The following SIPA1L1 variants were observed in gnomAD, a reference collection of about 807,000 sequenced individuals.
SIPA1L1 encodes the protein signal-induced proliferation-associated 1-like protein 1.
In SIPA1L1, 26 loss-of-function variants were observed where a neutral mutation model predicts 162.7. That is an observed-to-expected ratio of 0.16 (90% confidence interval 0.12 to 0.22). The LOEUF is 0.22. Among genes scored for constraint, SIPA1L1 ranks in the 10% least tolerant of loss-of-function variants. The probability of loss-of-function intolerance (pLI) is 1.00; values close to 1 mark genes in which losing one functional copy is unlikely to be tolerated. For synonymous variants in SIPA1L1, 829 were observed against 837.4 expected (o/e 0.99, Z 0.17); for missense variants, 1,874 against 2,241.0 (o/e 0.84, Z 3.31).
chr14:71,661,196 CTTCATGT>C, intron 9 of SIPA1L1, 107 bp from the exon 10 acceptor site: 7 of 1,041,760 alleles, frequency 6.7e-6, no homozygotes, highest in Middle Eastern at 2.2e-4. Flanking sequence ...GATTACCTAC[CTTCATGT>C]GTACTGATTA....
At chr14:71,540,531 T>A (rs974001730) in intron 4 of SIPA1L1, among the ~76,000 whole-genome samples, 7 of 151,866 alleles carry the variant, frequency 4.6e-5, no homozygotes, top group African/African-American at 1.7e-4. Flanking sequence ...AAATAAAATT[T>A]AAAAAATTTT....
At chr14:71,339,668 C>G (rs962362834) in intron 2 of SIPA1L1, among the ~76,000 whole-genome samples, 1 of 152,144 alleles carries the variant, frequency 6.6e-6, no homozygotes, top group East Asian at 1.9e-4. Context: ...CAGGCCTATC[C>G]AAGTGTTTTC....
intron 2 of SIPA1L1, among the ~76,000 whole-genome samples, chr14:71,463,152 G>T (rs890605311): frequency 1.3e-5 from 2 of 152,198 alleles, no homozygotes; most frequent in African/African-American, 4.8e-5. Flanking sequence ...AATTTCTGCA[G>T]TCTCTTTAGG....
chr14:71,457,381 C>T (rs1354584341), intron 2 of SIPA1L1, among the ~76,000 whole-genome samples: 1 of 151,458 alleles, frequency 6.6e-6, no homozygotes, highest in Non-Finnish European at 1.5e-5. Context: ...CTCACTGCAA[C>T]CTCCGCCTCC....
chr14:71,374,588 G>A (rs915191897), intron 2 of SIPA1L1, among the ~76,000 whole-genome samples: 2 of 151,560 alleles, frequency 1.3e-5, no homozygotes, highest in Non-Finnish European at 2.9e-5. Context: ...TAGTAAAGTG[G>A]TCATGCCTGG....
intron 17 of SIPA1L1, among the ~76,000 whole-genome samples, chr14:71,711,196 T>C (rs2150026419): frequency 6.6e-6 from 1 of 152,348 alleles, no homozygotes; most frequent in South Asian, 2.1e-4. Context: ...TATTCTTGAG[T>C]ACTATGTATT....
chr14:71,657,059 T>C (rs1203561635), intron 8 of SIPA1L1, among the ~76,000 whole-genome samples: 1 of 152,170 alleles, frequency 6.6e-6, no homozygotes, highest in Non-Finnish European at 1.5e-5. Flanking sequence ...CCTCAAAAAA[T>C]AGGGTCGAGG....
chr14:71,474,126 A>G (rs1173378911), intron 2 of SIPA1L1, among the ~76,000 whole-genome samples: 2 of 152,250 alleles, frequency 1.3e-5, no homozygotes, highest in African/African-American at 2.4e-5. Flanking sequence ...CAAAATTGAC[A>G]CTTGGCTTAT....
At chr14:71,569,298 A>G (rs2031454408) in intron 4 of SIPA1L1, among the ~76,000 whole-genome samples, 1 of 152,158 alleles carries the variant, frequency 6.6e-6, no homozygotes, top group South Asian at 2.1e-4. Context: ...GAGGGATTCC[A>G]AAAAATGTTG....
chr14:71,705,681 C>G (rs2082385428), intron 16 of SIPA1L1, among the ~76,000 whole-genome samples: 1 of 151,834 alleles, frequency 6.6e-6, no homozygotes, highest in South Asian at 2.1e-4. Flanking sequence ...GAGCGTCAGT[C>G]CTGCTCCAGC....
intron 3 of SIPA1L1, among the ~76,000 whole-genome samples, chr14:71,526,226 A>G (rs1199976864): frequency 6.6e-6 from 1 of 152,220 alleles, no homozygotes; most frequent in Non-Finnish European, 1.5e-5. Context: ...AGACAAGTAC[A>G]TCATAAATTT....
At chr14:71,602,217 C>T (rs2036854463) in intron 5 of SIPA1L1, among the ~76,000 whole-genome samples, 1 of 152,090 alleles carries the variant, frequency 6.6e-6, no homozygotes, top group East Asian at 1.9e-4. Flanking sequence ...TATCACTTAA[C>T]ACTGTTTTTG....
intron 21 of SIPA1L1, among the ~76,000 whole-genome samples, chr14:71,734,315 G>T (rs991929957): frequency 1.3e-5 from 2 of 152,232 alleles, no homozygotes; most frequent in African/African-American, 2.4e-5. Context: ...TTAGGCTGGC[G>T]GTTCTTAAAT....
At chr14:71,505,113 G>C (rs1009048499) in intron 2 of SIPA1L1, among the ~76,000 whole-genome samples, 41 of 152,134 alleles carry the variant, frequency 2.7e-4, no homozygotes, top group African/African-American at 9.4e-4. Flanking sequence ...ATATTTTGTA[G>C]TTTAAAAAAC....
intron 12 of SIPA1L1, among the ~76,000 whole-genome samples, chr14:71,679,693 A>G (rs566947067): frequency 3.5e-4 from 54 of 152,348 alleles, no homozygotes; most frequent in Non-Finnish European, 5.6e-4. Context: ...GACCCATCTC[A>G]TGTGCAGAGA....
At chr14:71,657,002 CTT>C (rs1483179801) in intron 8 of SIPA1L1, among the ~76,000 whole-genome samples, 2 of 152,160 alleles carry the variant, frequency 1.3e-5, no homozygotes, top group Non-Finnish European at 2.9e-5. Context: ...GTGTCAGAGA[CTT>C]TGTCTGAGAG....
intron 4 of SIPA1L1, among the ~76,000 whole-genome samples, chr14:71,558,210 A>G (rs1486928822): frequency 6.6e-6 from 1 of 152,170 alleles, no homozygotes. Flanking sequence ...AATAATGGAT[A>G]TTTGTTGAGT....
At chr14:71,680,853 G>A (rs1430616326) in intron 12 of SIPA1L1, among the ~76,000 whole-genome samples, 1 of 152,140 alleles carries the variant, frequency 6.6e-6, no homozygotes, top group Admixed American at 6.5e-5. Flanking sequence ...ATAGCCACAG[G>A]ATGGGGGCGT....
chr14:71,376,949 A>G (rs2039428299), intron 2 of SIPA1L1, among the ~76,000 whole-genome samples: 1 of 152,210 alleles, frequency 6.6e-6, no homozygotes, highest in Admixed American at 6.5e-5. Flanking sequence ...ACACAGACAC[A>G]GTAACAATCT....
Sources: allele counts gnomAD v4.1 joint callset (sites outside exome capture counted in the v4.1 genomes callset), GRCh38; gene constraint gnomAD v4.1.1; transcripts MANE v1.5; gene names NCBI Gene and HGNC (gene_info 2026-07-23, HGNC 2026-07-21).